Variants in ASIP observed in about 807,000 individuals in gnomAD.
ASIP encodes the protein agouti-signaling protein.
In ASIP, 11 loss-of-function variants were observed where a neutral mutation model predicts 10.3. The ratio of observed to expected loss-of-function variants is 1.07; its 90% CI spans 0.68 to 1.78. The LOEUF is 1.78. Among genes scored for constraint, ASIP ranks in the 40% most tolerant of loss-of-function variants. The pLI, the probability that ASIP is intolerant of heterozygous loss-of-function variation, is 0.00. For missense variants in ASIP, 180 were observed against 169.2 expected, an observed-to-expected ratio of 1.06 and a Z score of -0.35; for synonymous variants, 70 against 70.8, an observed-to-expected ratio of 0.99 and a Z score of 0.06.
At chr20:34,201,021 T>TTCCTTCCTTCCTTCCTTCC (rs1568744492) in intron 1 of ASIP, among the ~76,000 whole-genome samples, 5 of 61,934 alleles carry the variant, frequency 8.1e-5, no homozygotes, top group Admixed American at 3.5e-4. Context: ...TCCTTCCTTC[T>TTCCTTCCTTCCTTCCTTCC]TTCTTTCTTT....
intron 1 of ASIP, among the ~76,000 whole-genome samples, chr20:34,202,910 G>A (rs1269470043): frequency 4.2e-5 from 6 of 141,852 alleles, no homozygotes; most frequent in East Asian, 2.2e-4. Flanking sequence ...CCAGGTTCAC[G>A]CCATTCTCCT....
At chr20:34,265,369 A>T (rs1238428590) in intron 3 of ASIP, among the ~76,000 whole-genome samples, 2 of 152,066 alleles carry the variant, frequency 1.3e-5, no homozygotes, top group Non-Finnish European at 2.9e-5. Flanking sequence ...CAAAAAATTT[A>T]AAAAATTAAC....
intron 3 of ASIP, among the ~76,000 whole-genome samples, chr20:34,265,435 A>T (rs910011339): frequency 4.6e-5 from 7 of 152,046 alleles, no homozygotes; most frequent in African/African-American, 1.7e-4. Context: ...GAAGTAGGAG[A>T]ATCGCTTGAG....
At chr20:34,233,489 C>A (rs1039447544) in intron 1 of ASIP, among the ~76,000 whole-genome samples, 6 of 152,092 alleles carry the variant, frequency 3.9e-5, no homozygotes, top group African/African-American at 1.4e-4. Flanking sequence ...GTGAAGGAAG[C>A]CAGCCACAAA....
chr20:34,269,138 T>C lies in ASIP; in HGVS notation c.370T>C (p.Ser124Pro). 1 of 1,549,848 alleles carries C rather than the reference T, an allele frequency of 6.5e-7. No individual in the cohort carries two copies. The highest frequency in any genetic ancestry group is 8.7e-7 in the Non-Finnish European group (1 of 1,147,118). The change falls in exon 4 of 4, where the codon TCC becomes CCC. Residue 124 changes from serine (S) to proline (P), a missense_variant. Coordinates refer to ENST00000374954, the MANE Select transcript of ASIP (RefSeq NM_001672.3). ...CQCRFFRSAC[S>P]CRVLSLNC ...GTGCCGCTTCTTCCGCAGCGCCTGCTCCTGCCGCGTGCTCAGCCTCAACTG... is the reference window on the plus strand; with the variant it reads ...GTGCCGCTTCTTCCGCAGCGCCTGCCCCTGCCGCGTGCTCAGCCTCAACTG...
At chr20:34,268,203 A>G (rs1452709551) in intron 3 of ASIP, among the ~76,000 whole-genome samples, 1 of 152,210 alleles carries the variant, frequency 6.6e-6, no homozygotes, top group East Asian at 1.9e-4. Context: ...GGCTACCTGT[A>G]TCGAAGGTAC....
At chr20:34,204,441 A>G (rs995832498) in intron 1 of ASIP, among the ~76,000 whole-genome samples, 4 of 150,844 alleles carry the variant, frequency 2.7e-5, no homozygotes, top group African/African-American at 9.7e-5. Context: ...CTGATCTTGA[A>G]CTCCTGACCT....
intron 1 of ASIP, among the ~76,000 whole-genome samples, chr20:34,200,831 AT>A (rs2034887283): frequency 6.6e-6 from 1 of 152,186 alleles, no homozygotes; most frequent in South Asian, 2.1e-4. Context: ...TGTGGCTTTA[AT>A]TTTCCCCCCT....
At chr20:34,199,565 T>C (rs939760824) in intron 1 of ASIP, among the ~76,000 whole-genome samples, 1 of 152,224 alleles carries the variant, frequency 6.6e-6, no homozygotes, top group Non-Finnish European at 1.5e-5. Context: ...TGAAGACTAA[T>C]GACGTTTAGC....
At chr20:34,257,657 A>G (rs2035596842) in intron 1 of ASIP, among the ~76,000 whole-genome samples, 1 of 152,164 alleles carries the variant, frequency 6.6e-6, no homozygotes, top group African/African-American at 2.4e-5. Flanking sequence ...ATATAATAAT[A>G]AGTTTCAAAA....
Position 34,206,831 on chromosome 20 carries a change from C to T in ASIP, c.-11+12071C>T, listed in dbSNP as rs768287982. Among the ~76,000 whole-genome samples, 5 of 152,180 alleles carry T rather than the reference C, an allele frequency of 3.3e-5. No homozygotes were observed. The East Asian group carries it at 7.7e-4, about 23-fold the overall frequency. On this transcript the variant is annotated intron_variant, in intron 1 of 3. Coordinates refer to the ASIP transcript ENST00000568305. Reference sequence around the variant, plus strand: ...TCCTGACCTCGTGATCCACCTGCCTCGACCTCACAAAGTGCTGGGATTAGC... The same window carrying T: ...TCCTGACCTCGTGATCCACCTGCCTTGACCTCACAAAGTGCTGGGATTAGC...
intron 1 of ASIP, among the ~76,000 whole-genome samples, chr20:34,259,341 C>T (rs1275155169): frequency 2.6e-5 from 4 of 151,964 alleles, no homozygotes; most frequent in South Asian, 4.2e-4. Flanking sequence ...GGTGAAATCC[C>T]GTCTTTACTA....
intron 3 of ASIP, among the ~76,000 whole-genome samples, chr20:34,265,634 T>C (rs1031442306): frequency 1.3e-5 from 2 of 151,526 alleles, no homozygotes; most frequent in African/African-American, 2.4e-5. Flanking sequence ...TCACTTACCA[T>C]AAATAGAAGG....
upstream of ASIP, among the ~76,000 whole-genome samples, chr20:34,190,229 T>C (rs187076374): frequency 5.9e-4 from 90 of 152,314 alleles, no homozygotes; most frequent in African/African-American, 2.0e-3. Flanking sequence ...TTTCTTGCAG[T>C]GTTGGCATCA....
At chr20:34,263,402 T>A (rs946157272) in intron 3 of ASIP, among the ~76,000 whole-genome samples, 5 of 152,056 alleles carry the variant, frequency 3.3e-5, no homozygotes, top group African/African-American at 9.7e-5. Context: ...CCGTCTCTAC[T>A]AAAAATACAA....
chr20:34,236,124 GA>G (rs2035206881), intron 1 of ASIP, among the ~76,000 whole-genome samples: 1 of 151,420 alleles, frequency 6.6e-6, no homozygotes, highest in Admixed American at 6.6e-5. Context: ...GAAAGGAGTG[GA>G]AAGGAAAGGA....
In ASIP at chr20:34,269,330, T is replaced by A. The variant is rs1378955890; in HGVS notation, c.*163T>A. 3.3e-6 allele frequency: 3 copies of A among 901,506 alleles called. No individual in the cohort carries two copies. Among genetic ancestry groups the A allele is most frequent in the Non-Finnish European group, 4.8e-6 (3 of 628,692 alleles). 55.8% of individuals were successfully genotyped at this position (901,506 alleles called of 1,614,324 possible). ...GGCTTGGGCTAAAATCGAAATACAATATATATAGGCTGCTCGAAGGTGTGC... is the reference window on the plus strand; with the variant it reads ...GGCTTGGGCTAAAATCGAAATACAAAATATATAGGCTGCTCGAAGGTGTGC... On this transcript the variant is annotated 3_prime_UTR_variant, in exon 4 of 4. Coordinates refer to ENST00000374954, the MANE Select transcript of ASIP (RefSeq NM_001672.3).
At chr20:34,214,103 C>T (rs2034992251) in intron 1 of ASIP, 2 of 1,149,592 alleles carry the variant, frequency 1.7e-6, no homozygotes, top group East Asian at 2.3e-5. Flanking sequence ...CATCGCTGCT[C>T]AGGAAGGACT....
At chr20:34,189,767 C>T (rs1417346765), upstream of ASIP, among the ~76,000 whole-genome samples, 1 of 152,184 alleles carries the variant, frequency 6.6e-6, no homozygotes, top group Non-Finnish European at 1.5e-5. Flanking sequence ...TTGCATTCTA[C>T]CCCTCTGCCT....
Sources: allele counts gnomAD v4.1 joint callset (sites outside exome capture counted in the v4.1 genomes callset), GRCh38; gene constraint gnomAD v4.1.1; transcripts MANE v1.5; gene names NCBI Gene and HGNC (gene_info 2026-07-23, HGNC 2026-07-21).